The following HMGB1 variants were observed in gnomAD, a reference collection of about 807,000 sequenced individuals.
HMGB1 encodes the protein high mobility group protein B1.
For synonymous variants in HMGB1, 81 were observed against 84.0 expected (o/e 0.96, Z 0.19); for missense variants, 79 against 253.5 (o/e 0.31, Z 4.67).
At chr13:30,609,180 G>A (rs928709623) in intron 1 of HMGB1, among the ~76,000 whole-genome samples, 16 of 152,174 alleles carry the variant, frequency 1.1e-4, no homozygotes, top group East Asian at 1.9e-4. Flanking sequence ...GGAGAATGGC[G>A]TGAACCCGGA....
intron 1 of HMGB1, among the ~76,000 whole-genome samples, chr13:30,506,951 G>T (rs925578097): frequency 6.6e-6 from 1 of 152,150 alleles, no homozygotes; most frequent in African/African-American, 2.4e-5. Context: ...CTACAAAGAT[G>T]AATAAGACCA....
intron 1 of HMGB1, among the ~76,000 whole-genome samples, chr13:30,603,866 A>C (rs1022087798): frequency 2.0e-5 from 3 of 152,222 alleles, no homozygotes; most frequent in African/African-American, 7.2e-5. Flanking sequence ...AATAATGACA[A>C]GGAAAAAAGT....
At position 30,554,407 on chromosome 13, in the gene HMGB1, A is replaced by G. The variant is rs987563612; in HGVS notation, c.-15+62264T>C. 3.7e-6 allele frequency: 3 copies of G among 819,956 alleles called. No homozygotes were observed. In the African/African-American group the frequency reaches 5.0e-5, roughly 14 times the overall value. 50.8% of individuals were successfully genotyped at this position (819,956 alleles called of 1,614,324 possible). A position where few individuals can be genotyped will look rare whatever the true frequency, so the allele number is the denominator to read the frequency against. On this transcript the variant is annotated intron_variant, in intron 1 of 4. Coordinates refer to the HMGB1 transcript ENST00000405805. ...AAGGAGATTATATTAACATTAAACAAGTGTTATTGAACATGAGAAAATACT... is the reference window on the plus strand; with the variant it reads ...AAGGAGATTATATTAACATTAAACAGGTGTTATTGAACATGAGAAAATACT...
chr13:30,521,049 A>C (rs945527727), intron 1 of HMGB1, among the ~76,000 whole-genome samples: 2 of 152,168 alleles, frequency 1.3e-5, no homozygotes, highest in Non-Finnish European at 2.9e-5. Context: ...CCTGGCAAGC[A>C]GATTGTGAGA....
intron 1 of HMGB1, among the ~76,000 whole-genome samples, chr13:30,489,761 G>C (rs1267495091): frequency 2.8e-5 from 4 of 144,512 alleles, no homozygotes; most frequent in Non-Finnish European, 6.0e-5. Flanking sequence ...CTGAGACGGA[G>C]TCTCGCTCTG....
At chr13:30,589,848 C>T (rs1195824264) in intron 1 of HMGB1, among the ~76,000 whole-genome samples, 1 of 148,584 alleles carries the variant, frequency 6.7e-6, no homozygotes, top group African/African-American at 2.5e-5. Context: ...CTAGCCTGGG[C>T]AACAGAGTGA....
intron 1 of HMGB1, among the ~76,000 whole-genome samples, chr13:30,475,785 G>C (rs1887082936): frequency 6.6e-6 from 1 of 152,142 alleles, no homozygotes; most frequent in East Asian, 1.9e-4. Context: ...TGAAAAGTGA[G>C]AGATCTGATA....
intron 1 of HMGB1, among the ~76,000 whole-genome samples, chr13:30,477,337 G>A (rs543969644): frequency 1.8e-4 from 27 of 152,040 alleles, no homozygotes; most frequent in African/African-American, 4.3e-4. Flanking sequence ...TAGGCCCTGC[G>A]GTTTGTGAAA....
At chr13:30,609,044 G>A (rs12872477) in intron 1 of HMGB1, among the ~76,000 whole-genome samples, 6 of 147,936 alleles carry the variant, frequency 4.1e-5, no homozygotes, top group African/African-American at 1.5e-4. Flanking sequence ...GGTGGATCAC[G>A]AGGTCAGGAG....
intron 1 of HMGB1, among the ~76,000 whole-genome samples, chr13:30,512,679 G>C (rs1888017914): frequency 6.6e-6 from 1 of 152,190 alleles, no homozygotes; most frequent in Non-Finnish European, 1.5e-5. Context: ...CTGAGAAATG[G>C]AGCCGCTTCC....
chr13:30,475,561 T>TGGC (rs1454662777), intron 1 of HMGB1, among the ~76,000 whole-genome samples: 1 of 149,368 alleles, frequency 6.7e-6, no homozygotes, highest in Non-Finnish European at 1.5e-5. Context: ...GGTGTGGTGG[T>TGGC]GGCGCTCACC....
At position 30,491,016 on chromosome 13, in the gene HMGB1, A is replaced by G. The variant is rs1887478192; in HGVS notation, c.-14-27322T>C. 2.0e-5 allele frequency among the ~76,000 whole-genome samples: 3 copies of G among 152,090 alleles called. No individual in the cohort carries two copies. The South Asian group carries it at 6.2e-4, about 32-fold the overall frequency. On this transcript the variant is annotated intron_variant, in intron 1 of 4. Coordinates refer to the HMGB1 transcript ENST00000405805. ...TCATTTTCAACAAAGTTGGTAAGAC[A>G]TTCAGCACAAAAATACTTTTTTTTT...
chr13:30,537,316 T>C (rs139565260), intron 1 of HMGB1, among the ~76,000 whole-genome samples: 2 of 152,232 alleles, frequency 1.3e-5, no homozygotes, highest in East Asian at 1.9e-4. Context: ...TGTTTTGATA[T>C]GGAACTTAGA....
intron 1 of HMGB1, among the ~76,000 whole-genome samples, chr13:30,597,038 T>C (rs1871645070): frequency 1.3e-5 from 2 of 152,222 alleles, no homozygotes; most frequent in Non-Finnish European, 2.9e-5. Context: ...TTTCATAGTT[T>C]CTCTGTTCTT....
intron 1 of HMGB1, among the ~76,000 whole-genome samples, chr13:30,500,460 C>T (rs1339346240): frequency 6.6e-6 from 1 of 151,760 alleles, no homozygotes; most frequent in Non-Finnish European, 1.5e-5. Context: ...GCCCTGAATT[C>T]CTGGGCTCAA....
At chr13:30,474,290 G>A (rs894774424) in intron 1 of HMGB1, among the ~76,000 whole-genome samples, 1 of 152,116 alleles carries the variant, frequency 6.6e-6, no homozygotes, top group Non-Finnish European at 1.5e-5. Context: ...ACACTCCCTC[G>A]CCAACTTTGC....
At chr13:30,463,826 C>T (rs975301325) in intron 1 of HMGB1, 132 bp from the exon 2 acceptor site, 2 of 623,582 alleles carry the variant, frequency 3.2e-6, no homozygotes, top group Non-Finnish European at 5.3e-6. Flanking sequence ...TCCGTAAAAT[C>T]AGACAAGAAT....
At chr13:30,584,391 C>T (rs897825224) in intron 1 of HMGB1, among the ~76,000 whole-genome samples, 2 of 152,182 alleles carry the variant, frequency 1.3e-5, no homozygotes, top group South Asian at 2.1e-4. Context: ...AAGTATTTAT[C>T]CCAGTCATTC....
At chr13:30,547,096 A>G (rs1285941165) in intron 1 of HMGB1, among the ~76,000 whole-genome samples, 1 of 152,266 alleles carries the variant, frequency 6.6e-6, no homozygotes, top group Non-Finnish European at 1.5e-5. Flanking sequence ...TGTTATTCAC[A>G]TAACTCATGA....
Sources: allele counts gnomAD v4.1 joint callset (sites outside exome capture counted in the v4.1 genomes callset), GRCh38; gene constraint gnomAD v4.1.1; transcripts MANE v1.5; gene names NCBI Gene and HGNC (gene_info 2026-07-23, HGNC 2026-07-21).